The following URI1 variants were observed in gnomAD, a reference collection of about 807,000 sequenced individuals.
URI1 encodes the protein unconventional prefoldin RPB5 interactor 1.
In URI1, 39 loss-of-function variants were observed where a neutral mutation model predicts 60.2. That is an observed-to-expected ratio of 0.65 (90% CI 0.50 to 0.85). URI1 has a LOEUF of 0.85. Among genes scored for constraint, URI1 ranks in the 40% least tolerant of loss-of-function variants. The pLI is 0.00. For missense variants in URI1, 691 were observed against 665.9 expected (o/e 1.04, Z -0.42); for synonymous variants, 251 against 236.8 (o/e 1.06, Z -0.55).
At chr19:29,997,487 A>G (rs2055826636) in intron 4 of URI1, among the ~76,000 whole-genome samples, 1 of 151,990 alleles carries the variant, frequency 6.6e-6, no homozygotes, top group Non-Finnish European at 1.5e-5. Context: ...CTTGTAAAAA[A>G]CCAACTTTTG....
chr19:30,003,749 G>A (rs2055905201), intron 4 of URI1, among the ~76,000 whole-genome samples: 1 of 151,952 alleles, frequency 6.6e-6, no homozygotes. Flanking sequence ...TAGTTGCACA[G>A]TATTTATATG....
intron 4 of URI1, among the ~76,000 whole-genome samples, chr19:30,003,927 C>A (rs2055907774): frequency 6.6e-6 from 1 of 152,026 alleles, no homozygotes. Flanking sequence ...CAAAAACATT[C>A]CATAACCTTA....
At chr19:29,960,916 T>C (rs1322241614) in intron 1 of URI1, among the ~76,000 whole-genome samples, 1 of 152,050 alleles carries the variant, frequency 6.6e-6, no homozygotes, top group Non-Finnish European at 1.5e-5. Context: ...TGCAGTGGTA[T>C]GGTCATAGCT....
In URI1 at chr19:29,935,530, T is replaced by C. The variant is rs187532451; in HGVS notation, c.63+11776T>C. Among the ~76,000 whole-genome samples the C allele has an allele frequency of 2.5e-4, 38 of 152,320 alleles. No individual in the cohort carries two copies. In the East Asian group the frequency reaches 6.4e-3, roughly 25 times the overall value. On this transcript the variant is annotated intron_variant, in intron 1 of 10. Coordinates refer to the URI1 transcript ENST00000360605. ...TTTTTTTTCTCATCATGGCTTTGAA[T>C]TACTATCAAGTTTCCTTTCATTTCA...
At position 29,928,429 on chromosome 19, in the gene URI1, C is replaced by T. The variant is rs145384287; in HGVS notation, c.63+4675C>T. On this transcript the variant is annotated intron_variant, in intron 1 of 10. Transcript: ENST00000360605. ...GAGACAGCAGTCTGGGCCGATGTCACGAAACGCCCCTTTCCTTTCCACCAC... is the reference window on the plus strand; with the variant it reads ...GAGACAGCAGTCTGGGCCGATGTCATGAAACGCCCCTTTCCTTTCCACCAC... 3.8e-3 allele frequency among the ~76,000 whole-genome samples: 583 copies of T among 152,276 alleles called. 6 individuals carry two copies. Among genetic ancestry groups the T allele is most frequent in the African/African-American group, 0.013 (561 of 41,560 alleles).
rs2056085306 is a variant in URI1, at chr19:30,016,337, A to T, written c.*1268A>T. On this transcript the variant is annotated 3_prime_UTR_variant, in exon 11 of 11. Transcript: ENST00000392271. ...TCAAACCGAGGACTGATTTTGAAAG[A>T]TCACCTAAAAATGTAGATTTGTTCT... 6.6e-6 allele frequency: 1 copy of T among 152,174 alleles called. No homozygotes were observed. The highest frequency in any genetic ancestry group is 2.4e-5 in the African/African-American group (1 of 41,458). The allele number at this position is 152,174 out of a possible 1,614,324, so 9.4% of individuals were successfully genotyped here.
At chr19:29,971,032 A>G in intron 1 of URI1, 161 bp from the exon 2 acceptor site, 1 of 666,864 alleles carries the variant, frequency 1.5e-6, no homozygotes, top group Non-Finnish European at 2.6e-6. Context: ...TGTGCTGCTT[A>G]AAAACTAACG....
chr19:29,977,667 TAG>T (rs1177185914), intron 2 of URI1, among the ~76,000 whole-genome samples: 1 of 150,420 alleles, frequency 6.6e-6, no homozygotes, highest in East Asian at 2.0e-4. Context: ...ATGAAAGTCT[TAG>T]GGATAAGGGG....
chr19:29,951,416 C>G (rs1309823616), intron 1 of URI1, among the ~76,000 whole-genome samples: 1 of 152,106 alleles, frequency 6.6e-6, no homozygotes, highest in Admixed American at 6.5e-5. Context: ...TAGCACCCCC[C>G]CCTTTAGTTT....
intron 1 of URI1, among the ~76,000 whole-genome samples, chr19:29,927,966 C>T (rs985721689): frequency 6.6e-5 from 10 of 152,002 alleles, no homozygotes; most frequent in Non-Finnish European, 8.8e-5. Flanking sequence ...ACACTCCAGG[C>T]TAGATTAGAA....
intron 1 of URI1, among the ~76,000 whole-genome samples, chr19:29,930,567 G>A (rs2145195589): frequency 6.6e-6 from 1 of 151,882 alleles, no homozygotes; most frequent in East Asian, 1.9e-4. Context: ...ATTTATTAAA[G>A]AGACTGTCCT....
intron 1 of URI1, chr19:29,956,852 C>CT (rs1297366264): frequency 1.3e-6 from 2 of 1,555,378 alleles, no homozygotes; most frequent in Non-Finnish European, 1.8e-6. Context: ...TCCAAGGAGT[C>CT]TGAGTTCTAC....
chr19:29,994,828 TG>T (rs1273814705), intron 4 of URI1, among the ~76,000 whole-genome samples: 3 of 151,498 alleles, frequency 2.0e-5, no homozygotes, highest in Non-Finnish European at 4.4e-5. Flanking sequence ...TTGCCCAGGC[TG>T]GGAGTGCAGT....
In URI1 at chr19:30,007,498, T is replaced by A; in HGVS notation, c.546T>A (p.His182Gln). ...KAKHRIAHKP[H>Q]SKPKTSDIFE... ...AACACCGAATTGCTCATAAACCGCA[T>A]TCCAAACCAAAAACTTCAGATATTT... Residue 182 changes from histidine to glutamine, a missense_variant, in exon 7 of 11, where the codon CAT (histidine) becomes CAA (glutamine). His to Gln is a conservative substitution (Grantham distance 24). Coordinates refer to ENST00000392271, the MANE Select transcript of URI1 (RefSeq NM_003796.3). The A allele has an allele frequency of 6.2e-7, 1 of 1,613,334 alleles. No homozygotes were observed. Among genetic ancestry groups the A allele is most frequent in the Non-Finnish European group, 8.5e-7 (1 of 1,179,510 alleles).
intron 1 of URI1, among the ~76,000 whole-genome samples, chr19:29,932,596 C>A (rs952454067): frequency 7.0e-6 from 1 of 142,900 alleles, no homozygotes; most frequent in Non-Finnish European, 1.5e-5. Flanking sequence ...GGATTACAGG[C>A]GTGAGCCACC....
intron 1 of URI1, among the ~76,000 whole-genome samples, chr19:29,932,988 G>T (rs2054936027): frequency 6.6e-6 from 1 of 152,124 alleles, no homozygotes; most frequent in South Asian, 2.1e-4. Context: ...AATCACCATT[G>T]TGTCTCTGGA....
Position 30,015,838 on chromosome 19 carries a change from T to G in URI1, c.*769T>G. On this transcript the variant is annotated 3_prime_UTR_variant, in exon 11 of 11. Transcript: ENST00000392271. ...ATACTTCTCCCTTAGTTTTTGCAGT[T>G]TCACTGGGATTATGTTTTGGGAAAC... 1 of 370,452 alleles carries G rather than the reference T, an allele frequency of 2.7e-6. No homozygotes were observed. The highest frequency in any genetic ancestry group is 4.8e-6 in the Non-Finnish European group (1 of 208,314). The allele number at this position is 370,452 out of a possible 1,614,324, so 22.9% of individuals were successfully genotyped here.
Position 29,942,681 on chromosome 19 carries a change from C to T in URI1, c.117+17C>T. 7.3e-7 allele frequency: 1 copy of T among 1,377,960 alleles called. No homozygotes were observed. 85.4% of individuals were successfully genotyped at this position (1,377,960 alleles called of 1,614,324 possible). On this transcript the variant is annotated intron_variant, in intron 1 of 10. Coordinates refer to ENST00000392271, the MANE Select transcript of URI1 (RefSeq NM_003796.3). ...CAGGAAAAGGTAACTAGCAGCCCCGCGCCGCTTCCGCCTCCGCCCGCCGGG... is the reference window on the plus strand; with the variant it reads ...CAGGAAAAGGTAACTAGCAGCCCCGTGCCGCTTCCGCCTCCGCCCGCCGGG...
At chr19:29,961,681 T>G (rs1468482827) in intron 1 of URI1, among the ~76,000 whole-genome samples, 96 of 150,470 alleles carry the variant, frequency 6.4e-4, no homozygotes, top group African/African-American at 2.3e-3. Context: ...TTTTGTTTTT[T>G]TTTTTTTTTG....
Sources: allele counts gnomAD v4.1 joint callset (sites outside exome capture counted in the v4.1 genomes callset), GRCh38; gene constraint gnomAD v4.1.1; transcripts MANE v1.5; gene names NCBI Gene and HGNC (gene_info 2026-07-23, HGNC 2026-07-21).